The following GPM6A variants were observed in gnomAD, a reference collection of about 807,000 sequenced individuals.
GPM6A encodes the protein glycoprotein M6A.
Under a neutral mutation model 32.1 loss-of-function variants are expected in GPM6A, and 7 were observed. The ratio of observed to expected loss-of-function variants is 0.22; its 90% CI spans 0.12 to 0.41. The LOEUF (loss-of-function observed/expected upper bound fraction) is 0.41. GPM6A is among the 10% of genes least tolerant of loss of function. GPM6A has a pLI of 1.00. For synonymous variants in GPM6A, 130 were observed against 123.4 expected, an observed-to-expected ratio of 1.05 and a Z score of -0.35; for missense variants, 235 against 347.2, an observed-to-expected ratio of 0.68 and a Z score of 2.57.
chr4:175,908,809 T>C (rs1738211740), intron 1 of GPM6A, among the ~76,000 whole-genome samples: 1 of 152,112 alleles, frequency 6.6e-6, no homozygotes, highest in South Asian at 2.1e-4. Context: ...ATAAATTTGT[T>C]ATGAACCATA....
intron 1 of GPM6A, among the ~76,000 whole-genome samples, chr4:175,765,540 GTCTTC>G (rs1732929511): frequency 6.6e-6 from 1 of 152,096 alleles, no homozygotes; most frequent in Non-Finnish European, 1.5e-5. Flanking sequence ...AACATTACAA[GTCTTC>G]TCTTCTAAAC....
intron 1 of GPM6A, among the ~76,000 whole-genome samples, chr4:175,948,427 C>T (rs1240303463): frequency 1.3e-5 from 2 of 152,174 alleles, no homozygotes; most frequent in Non-Finnish European, 2.9e-5. Context: ...CCTGACCATG[C>T]TCACACCCTG....
At chr4:175,788,825 CA>C in intron 1 of GPM6A, among the ~76,000 whole-genome samples, 1 of 152,036 alleles carries the variant, frequency 6.6e-6, no homozygotes, top group Non-Finnish European at 1.5e-5. Context: ...AGAATGAAGA[CA>C]TTAATAAGGC....
intron 1 of GPM6A, among the ~76,000 whole-genome samples, chr4:175,798,237 A>C (rs1484849603): frequency 6.6e-6 from 1 of 152,210 alleles, no homozygotes; most frequent in South Asian, 2.1e-4. Context: ...ATAACGATCT[A>C]ACCCATAATC....
At chr4:175,824,479 C>T (rs1735372761) in intron 1 of GPM6A, among the ~76,000 whole-genome samples, 1 of 152,184 alleles carries the variant, frequency 6.6e-6, no homozygotes, top group Admixed American at 6.5e-5. Context: ...CTCTCTCTGA[C>T]TTCCTGAATT....
chr4:175,839,571 T>C (rs1735875771), intron 1 of GPM6A, among the ~76,000 whole-genome samples: 1 of 152,150 alleles, frequency 6.6e-6, no homozygotes, highest in Non-Finnish European at 1.5e-5. Context: ...GTATGTTGAA[T>C]ATATAATAAA....
At chr4:175,668,674 A>G (rs971700985) in intron 3 of GPM6A, among the ~76,000 whole-genome samples, 2 of 152,112 alleles carry the variant, frequency 1.3e-5, no homozygotes, top group Admixed American at 1.3e-4. Context: ...AGCATCTTAG[A>G]CTACCAAGTT....
At chr4:175,728,126 A>T (rs190306573) in intron 1 of GPM6A, among the ~76,000 whole-genome samples, 2 of 152,142 alleles carry the variant, frequency 1.3e-5, no homozygotes, top group Admixed American at 1.3e-4. Context: ...TTTGATTAGT[A>T]TTCATCATCA....
At chr4:175,812,921 G>T (rs1734986403), upstream of GPM6A, 1 of 985,026 alleles carries the variant, frequency 1.0e-6, no homozygotes. Flanking sequence ...GGGTTTATCT[G>T]CAAAAGTTTA....
chr4:175,936,076 G>T (rs540172270), intron 1 of GPM6A, among the ~76,000 whole-genome samples: 4 of 151,192 alleles, frequency 2.6e-5, no homozygotes, highest in African/African-American at 7.3e-5. Flanking sequence ...GAGGCCGAGG[G>T]GGGTGGATCA....
chr4:175,971,336 C>G (rs1008950300), intron 1 of GPM6A, among the ~76,000 whole-genome samples: 9 of 151,290 alleles, frequency 5.9e-5, no homozygotes, highest in Non-Finnish European at 4.4e-5. Context: ...GCATCAAAAC[C>G]AACATAAAGC....
chr4:175,732,483 C>A (rs1731475884), intron 1 of GPM6A, among the ~76,000 whole-genome samples: 1 of 151,942 alleles, frequency 6.6e-6, no homozygotes, highest in Admixed American at 6.6e-5. Context: ...ATATATACAT[C>A]ATGTTTGTCA....
At chr4:175,711,276 C>T (rs1230352167) in intron 1 of GPM6A, among the ~76,000 whole-genome samples, 1 of 150,486 alleles carries the variant, frequency 6.6e-6, no homozygotes, top group Admixed American at 6.6e-5. Context: ...AAAGAGACAA[C>T]CACTAGGTAT....
At chr4:175,996,473 A>T (rs573910057) in intron 1 of GPM6A, among the ~76,000 whole-genome samples, 1 of 152,344 alleles carries the variant, frequency 6.6e-6, no homozygotes, top group East Asian at 1.9e-4. Flanking sequence ...GATTTATGCT[A>T]ATTGACCTAC....
chr4:175,899,772 A>AC (rs1737897361), intron 1 of GPM6A, among the ~76,000 whole-genome samples: 1 of 93,514 alleles, frequency 1.1e-5, no homozygotes, highest in Non-Finnish European at 2.8e-5. Flanking sequence ...AATCTACCAC[A>AC]AAAAAAAATG....
intron 1 of GPM6A, among the ~76,000 whole-genome samples, chr4:175,790,906 T>C (rs1316621822): frequency 6.6e-6 from 1 of 152,226 alleles, no homozygotes. Context: ...CCTTTAGATA[T>C]ATAACATACA....
rs1163638032 is a variant in GPM6A, at chr4:175,926,529, T to G, written c.-23+75780A>C. Among the ~76,000 whole-genome samples, 8 of 152,314 alleles carry G rather than the reference T, an allele frequency of 5.3e-5. No individual in the cohort carries two copies. The South Asian group carries it at 1.7e-3, about 32-fold the overall frequency. ...ACCTACAATTACATGGTGTTGAAATTTGACAAAATAATCAAGTTTTGACAA... is the reference window on the plus strand; with the variant it reads ...ACCTACAATTACATGGTGTTGAAATGTGACAAAATAATCAAGTTTTGACAA... On this transcript the variant is annotated intron_variant, in intron 1 of 7. Coordinates refer to the GPM6A transcript ENST00000280187.
At chr4:175,693,840 G>A (rs996261256) in intron 2 of GPM6A, among the ~76,000 whole-genome samples, 1 of 152,150 alleles carries the variant, frequency 6.6e-6, no homozygotes, top group Non-Finnish European at 1.5e-5. Flanking sequence ...GAATGTCAGA[G>A]GTGGAGCCTG....
At chr4:175,699,738 T>C (rs929766583) in intron 2 of GPM6A, among the ~76,000 whole-genome samples, 1 of 152,078 alleles carries the variant, frequency 6.6e-6, no homozygotes, top group Non-Finnish European at 1.5e-5. Flanking sequence ...AGGTTTTAAG[T>C]ATCAACAGGT....
Sources: gnomAD v4.1 joint callset for allele counts (sites outside exome capture counted in the v4.1 genomes callset) on GRCh38, gnomAD v4.1.1 for gene constraint, MANE v1.5 for transcripts, NCBI Gene and HGNC (gene_info 2026-07-23, HGNC 2026-07-21) for gene names.